Variants in DNAH5 observed in about 807,000 individuals in gnomAD.
DNAH5 encodes dynein axonemal heavy chain 5, also known as axonemal beta dynein heavy chain 5.
In DNAH5, 372 loss-of-function variants were observed where a neutral mutation model predicts 518.2. The observed-to-expected ratio is 0.72, with a 90% CI of 0.66 to 0.78. The LOEUF (loss-of-function observed/expected upper bound fraction) is 0.78. DNAH5 is among the 30% of genes least tolerant of loss of function. DNAH5 has a pLI of 0.00. For synonymous variants in DNAH5, 2,039 were observed against 2,025.9 expected, an observed-to-expected ratio of 1.01 and a Z score of -0.17; for missense variants, 5,523 against 5,687.0, an observed-to-expected ratio of 0.97 and a Z score of 0.93.
chr5:13,879,193 A>C (rs1284550895), intron 21 of DNAH5, among the ~76,000 whole-genome samples: 2 of 152,226 alleles, frequency 1.3e-5, no homozygotes, highest in African/African-American at 4.8e-5. Context: ...AATGAACAAA[A>C]ACAGGGAAAT....
At chr5:13,708,493 G>C (rs970787084) in intron 75 of DNAH5, among the ~76,000 whole-genome samples, 158 bp from the exon 76 acceptor site, 86 of 149,934 alleles carry the variant, frequency 5.7e-4, no homozygotes, top group Non-Finnish European at 9.2e-4. Context: ...AAAAAGAAAA[G>C]AAAACAGAAA....
At chr5:13,848,589 T>C (rs908076950) in intron 31 of DNAH5, among the ~76,000 whole-genome samples, 4 of 152,224 alleles carry the variant, frequency 2.6e-5, no homozygotes, top group Non-Finnish European at 5.9e-5. Flanking sequence ...TCAGCTTGTT[T>C]TCCTGCAACT....
At chr5:13,858,645 ATAAAG>A (rs1767965150) in intron 30 of DNAH5, among the ~76,000 whole-genome samples, 1 of 152,316 alleles carries the variant, frequency 6.6e-6, no homozygotes, top group African/African-American at 2.4e-5. Flanking sequence ...CAAATCAAAA[ATAAAG>A]TAAAATTTTA....
chr5:13,758,929 T>TCTG lies in DNAH5; in HGVS notation c.10333_10335dup (p.Gln3445dup). ...TTGTCATCCAACTCGGCCTGGGCTT[T>TCTG]CTGCAGATCCTGCATGGCCAGGAGA... On this transcript the variant is annotated inframe_insertion, in exon 61 of 79. Coordinates refer to ENST00000265104, the MANE Select transcript of DNAH5 (RefSeq NM_001369.3). 6.2e-7 allele frequency: 1 copy of TCTG among 1,614,198 alleles called. No individual in the cohort carries two copies. Among genetic ancestry groups the TCTG allele is most frequent in the Non-Finnish European group, 8.5e-7 (1 of 1,180,016 alleles).
intron 1 of DNAH5, among the ~76,000 whole-genome samples, chr5:13,993,027 T>C (rs1052551277): frequency 2.0e-5 from 3 of 152,300 alleles, no homozygotes; most frequent in Non-Finnish European, 4.4e-5. Flanking sequence ...CCTTAAAGCA[T>C]ATTCTGCGGC....
At chr5:13,806,420 C>T (rs1759597151) in intron 47 of DNAH5, among the ~76,000 whole-genome samples, 1 of 152,136 alleles carries the variant, frequency 6.6e-6, no homozygotes, top group African/African-American at 2.4e-5. Context: ...AATCAATGAT[C>T]TTAGTGTATT....
At chr5:13,969,537 A>G (rs1219602637) in intron 1 of DNAH5, among the ~76,000 whole-genome samples, 1 of 152,048 alleles carries the variant, frequency 6.6e-6, no homozygotes, top group African/African-American at 2.4e-5. Context: ...TGAATTTTTT[A>G]ATTTCCATCT....
intron 1 of DNAH5, among the ~76,000 whole-genome samples, chr5:14,000,635 C>CAAA (rs111658670): frequency 0.33 from 41,498 of 125,568 alleles, 5,939 homozygotes; most frequent in South Asian, 0.49. Context: ...GTTAAAAAGC[C>CAAA]AAAAAAAAAA....
intron 7 of DNAH5, 61 bp downstream of exon 7, chr5:13,919,115 G>A: frequency 1.3e-6 from 2 of 1,597,476 alleles, no homozygotes; most frequent in East Asian, 4.5e-5. Flanking sequence ...TCTATGCCTT[G>A]AAAATATGCA....
intron 68 of DNAH5, among the ~76,000 whole-genome samples, chr5:13,730,255 A>C (rs551808591): frequency 3.9e-5 from 6 of 152,242 alleles, no homozygotes; most frequent in Non-Finnish European, 7.3e-5. Flanking sequence ...TGTAACAAAA[A>C]TGACACCTTA....
At chr5:13,918,775 T>C (rs1381285529) in intron 7 of DNAH5, among the ~76,000 whole-genome samples, 6 of 152,198 alleles carry the variant, frequency 3.9e-5, no homozygotes, top group Non-Finnish European at 1.5e-5. Flanking sequence ...GCCTATTGAC[T>C]GTTTTAAGCT....
At chr5:13,982,965 G>A (rs1331201016) in intron 1 of DNAH5, among the ~76,000 whole-genome samples, 2 of 152,198 alleles carry the variant, frequency 1.3e-5, no homozygotes, top group African/African-American at 4.8e-5. Context: ...TTCCCAAAAG[G>A]GGCATATCTG....
intron 76 of DNAH5, among the ~76,000 whole-genome samples, chr5:13,702,837 C>G (rs190838997): frequency 4.0e-4 from 61 of 152,170 alleles, no homozygotes; most frequent in Admixed American, 1.6e-3. Flanking sequence ...TGCTGAAGCC[C>G]GGGATGACAT....
chr5:13,738,906 G>C (rs1469489143), intron 65 of DNAH5, among the ~76,000 whole-genome samples: 2 of 152,198 alleles, frequency 1.3e-5, no homozygotes, highest in African/African-American at 2.4e-5. Context: ...TATTTGAAGA[G>C]CTTCCTGGAT....
At chr5:13,749,343 A>T (rs1561168814) in intron 65 of DNAH5, among the ~76,000 whole-genome samples, 1 of 152,308 alleles carries the variant, frequency 6.6e-6, no homozygotes, top group South Asian at 2.1e-4. Flanking sequence ...ATAATATTAA[A>T]GGAGTAATTC....
At chr5:13,777,471 G>T (rs147712316) in intron 53 of DNAH5, 116 bp from the exon 54 acceptor site, 2 of 768,352 alleles carry the variant, frequency 2.6e-6, no homozygotes, top group East Asian at 5.4e-5. Flanking sequence ...TTGTTCTATC[G>T]TATACGTATG....
intron 35 of DNAH5, 29 bp downstream of exon 35, chr5:13,839,327 G>A (rs1764840409): frequency 1.2e-6 from 2 of 1,609,500 alleles, no homozygotes; most frequent in Non-Finnish European, 1.7e-6. Context: ...AATAAAAATG[G>A]TGGGGGTTGG....
intron 24 of DNAH5, among the ~76,000 whole-genome samples, chr5:13,868,686 G>A (rs2151915199): frequency 6.6e-6 from 1 of 152,316 alleles, no homozygotes; most frequent in East Asian, 1.9e-4. Flanking sequence ...AGCAAGGATA[G>A]CCCAGTGCCT....
At chr5:13,822,968 C>G (rs1762421165) in intron 40 of DNAH5, among the ~76,000 whole-genome samples, 1 of 152,240 alleles carries the variant, frequency 6.6e-6, no homozygotes, top group Admixed American at 6.5e-5. Flanking sequence ...CCATCCAACC[C>G]CTGCTGACCA....
Sources: gnomAD v4.1 joint callset for allele counts (sites outside exome capture counted in the v4.1 genomes callset) on GRCh38, gnomAD v4.1.1 for gene constraint, MANE v1.5 for transcripts, NCBI Gene and HGNC (gene_info 2026-07-23, HGNC 2026-07-21) for gene names.